Variants in DBF4B observed in about 807,000 individuals in gnomAD.
The protein encoded by DBF4B is protein DBF4 homolog B.
DBF4B carries 49 observed loss-of-function variants against 53.4 expected under a neutral mutation model. The ratio of observed to expected loss-of-function variants is 0.92; its 90% CI spans 0.73 to 1.16. The LOEUF (loss-of-function observed/expected upper bound fraction) is 1.16. DBF4B is among the 50% of genes most tolerant of loss of function. The pLI is 0.00. For synonymous variants in DBF4B, 257 were observed against 288.7 expected (o/e 0.89, Z 1.11); for missense variants, 692 against 775.0 (o/e 0.89, Z 1.27).
chr17:44,725,962 A>AAAT (rs1455137683), intron 3 of DBF4B, among the ~76,000 whole-genome samples: 1 of 151,768 alleles, frequency 6.6e-6, no homozygotes, highest in East Asian at 1.9e-4. Context: ...TACTGGGATT[A>AAAT]CAGGCCTGAG....
intron 8 of DBF4B, 43 bp from the exon 9 acceptor site, chr17:44,738,336 A>G (rs372769416): frequency 1.3e-6 from 2 of 1,599,692 alleles, no homozygotes; most frequent in Non-Finnish European, 1.7e-6. Context: ...GGCCCTGCAC[A>G]GGGGCAGACA....
chr17:44,743,494 G>C (rs1976275209), intron 10 of DBF4B, among the ~76,000 whole-genome samples: 1 of 151,896 alleles, frequency 6.6e-6, no homozygotes, highest in South Asian at 2.1e-4. Flanking sequence ...CCCAGGGGTA[G>C]AGGCTGGAGG....
intron 8 of DBF4B, 131 bp downstream of exon 8, chr17:44,736,997 T>G: frequency 8.9e-7 from 1 of 1,124,170 alleles, no homozygotes; most frequent in Non-Finnish European, 1.3e-6. Flanking sequence ...CTTGCCCCTT[T>G]GTGTTTCCAG....
intron 6 of DBF4B, 87 bp from the exon 7 acceptor site, chr17:44,734,003 G>A (rs564134831): frequency 2.1e-5 from 23 of 1,113,438 alleles, no homozygotes; most frequent in African/African-American, 4.6e-5. Context: ...CTGGCCCAGC[G>A]AGTTTAGTCC....
intron 3 of DBF4B, among the ~76,000 whole-genome samples, chr17:44,726,291 T>TA (rs1222939353): frequency 7.6e-5 from 10 of 131,992 alleles, no homozygotes; most frequent in African/African-American, 1.2e-4. Context: ...ACCCGGCCCT[T>TA]TTTTATTTAT....
intron 10 of DBF4B, among the ~76,000 whole-genome samples, chr17:44,742,596 A>C (rs1351019889): frequency 6.6e-6 from 1 of 151,978 alleles, no homozygotes; most frequent in African/African-American, 2.4e-5. Flanking sequence ...CCTAAACTCC[A>C]CCCCATATCT....
At chr17:44,750,366 G>A (rs2049250205) in intron 13 of DBF4B, 1 of 1,357,482 alleles carries the variant, frequency 7.4e-7, no homozygotes, top group Middle Eastern at 2.7e-4. Flanking sequence ...GCTATTCTGT[G>A]TCTCCTTTCA....
chr17:44,744,081 A>ACCCCCCCCCCCCC (rs71361595), intron 10 of DBF4B, among the ~76,000 whole-genome samples: 7 of 8,702 alleles, frequency 8.0e-4, no homozygotes, highest in Non-Finnish European at 9.2e-4. Context: ...TAATGAGACC[A>ACCCCCCCCCCCCC]CCCCCCCCCC....
At position 44,749,466 on chromosome 17, in the gene DBF4B, G is replaced by C. The variant is rs922481262; in HGVS notation, c.1189+1001G>C. 7.8e-7 allele frequency: 1 copy of C among 1,288,486 alleles called. No homozygotes were observed. The highest frequency in any genetic ancestry group is 1.5e-5 in the African/African-American group (1 of 65,866). 79.8% of individuals were successfully genotyped at this position (1,288,486 alleles called of 1,614,324 possible). On this transcript the variant is annotated intron_variant, in intron 13 of 13. Transcript: ENST00000315005. This position sits in a 1 kb window ranked among gnomAD's most constrained non-coding sequence, Gnocchi z 4.4. ...CCCCAGGACTTCCCCAAAAGAGCTA[G>C]AAGGAGGCCCGGGCCTGGCCTTTGA...
chr17:44,731,076 T>C, intron 5 of DBF4B, 61 bp downstream of exon 5: 1 of 1,598,600 alleles, frequency 6.3e-7, no homozygotes, highest in South Asian at 1.1e-5. Context: ...GATTTCACTC[T>C]TCTTCCCAGG....
At chr17:44,727,095 T>A (rs1974419608) in intron 3 of DBF4B, among the ~76,000 whole-genome samples, 1 of 50,206 alleles carries the variant, frequency 2.0e-5, no homozygotes, top group Admixed American at 3.8e-4. Flanking sequence ...CAAGACTCCA[T>A]CTCAAAAAAA....
intron 5 of DBF4B, 146 bp downstream of exon 5, chr17:44,731,161 G>C: frequency 1.1e-6 from 1 of 913,384 alleles, no homozygotes; most frequent in Non-Finnish European, 1.7e-6. Context: ...TTCTACATCA[G>C]GTAGTGGAGG....
At chr17:44,728,180 A>G (rs1054179257) in intron 3 of DBF4B, among the ~76,000 whole-genome samples, 8 of 152,104 alleles carry the variant, frequency 5.3e-5, no homozygotes, top group Admixed American at 2.6e-4. Flanking sequence ...TGTGTCAGTT[A>G]TCATAACTAT....
chr17:44,708,934 A>G, intron 1 of DBF4B, 95 bp downstream of exon 1: 1 of 1,503,988 alleles, frequency 6.6e-7, no homozygotes, highest in Non-Finnish European at 9.0e-7. Flanking sequence ...GGAAGTGACC[A>G]GCGGGTAGGT....
At chr17:44,728,824 C>T (rs774406264) in intron 3 of DBF4B, among the ~76,000 whole-genome samples, 11 of 151,738 alleles carry the variant, frequency 7.2e-5, no homozygotes, top group South Asian at 2.1e-4. Flanking sequence ...TGATCAGACA[C>T]GGTGGCTCAC....
At chr17:44,726,400 T>C (rs918007050) in intron 3 of DBF4B, among the ~76,000 whole-genome samples, 1 of 151,444 alleles carries the variant, frequency 6.6e-6, no homozygotes, top group Non-Finnish European at 1.5e-5. Context: ...GGGCAATGCT[T>C]ATTTTTTTTC....
chr17:44,715,232 C>G (rs1409507970), intron 2 of DBF4B, among the ~76,000 whole-genome samples: 1 of 151,486 alleles, frequency 6.6e-6, no homozygotes, highest in Admixed American at 6.6e-5. Context: ...CGGAGTTTTG[C>G]TCTTGTTGCC....
intron 2 of DBF4B, among the ~76,000 whole-genome samples, chr17:44,718,064 G>A (rs1371825656): frequency 1.3e-5 from 2 of 151,768 alleles, no homozygotes; most frequent in East Asian, 3.9e-4. Context: ...AATTAATGTT[G>A]ATATTATTAA....
chr17:44,714,893 G>A (rs899135226), intron 2 of DBF4B, among the ~76,000 whole-genome samples: 40 of 151,950 alleles, frequency 2.6e-4, no homozygotes, highest in African/African-American at 6.0e-4. Context: ...AACCAGAATA[G>A]GTTCAGAGAG....
Sources: allele counts gnomAD v4.1 joint callset (sites outside exome capture counted in the v4.1 genomes callset), GRCh38; gene constraint gnomAD v4.1.1; non-coding constraint Gnocchi (gnomAD v3.1); transcripts MANE v1.5; gene names NCBI Gene and HGNC (gene_info 2026-07-23, HGNC 2026-07-21).